The following TNXB variants were observed in gnomAD, a reference collection of about 807,000 sequenced individuals.
TNXB encodes the protein tenascin-X.
A neutral mutation model predicts 340.5 loss-of-function variants in TNXB; 183 were observed. That is an observed-to-expected ratio of 0.54 (90% confidence interval 0.48 to 0.61). The LOEUF is 0.61. TNXB is among the 20% of genes least tolerant of loss of function. The pLI is 0.00. For missense variants in TNXB, 4,613 were observed against 5,446.4 expected, an observed-to-expected ratio of 0.85 and a Z score of 4.82; for synonymous variants, 2,121 against 2,314.5, an observed-to-expected ratio of 0.92 and a Z score of 2.40.
At position 32,046,525 on chromosome 6, in the gene TNXB, G is replaced by C; in HGVS notation, c.10325-69C>G. ...TTGCCTAAGCCCTGGCAGCCTCCCGGAGGTGTGAGGTTCTGGGAAATGGTC... is the reference window on the plus strand; with the variant it reads ...TTGCCTAAGCCCTGGCAGCCTCCCGCAGGTGTGAGGTTCTGGGAAATGGTC... On this transcript the variant is annotated intron_variant, in intron 30 of 43. Coordinates refer to ENST00000644971, the MANE Select transcript of TNXB (RefSeq NM_001365276.2). The surrounding 1 kb of genome is among the most constrained non-coding windows in gnomAD (Gnocchi z 6.9). 1 of 1,391,574 alleles carries C rather than the reference G, an allele frequency of 7.2e-7. No individual in the cohort carries two copies. The highest frequency in any genetic ancestry group is 9.5e-7 in the Non-Finnish European group (1 of 1,047,350). 86.2% of individuals were successfully genotyped at this position (1,391,574 alleles called of 1,614,324 possible).
At position 32,106,134 on chromosome 6, in the gene TNXB, G is replaced by C. The variant is rs145249614; in HGVS notation, c.-9+3047C>G. On this transcript the variant is annotated intron_variant, in intron 1 of 43. Coordinates refer to ENST00000644971, the MANE Select transcript of TNXB (RefSeq NM_001365276.2). The stretch of plus-strand genomic sequence containing the variant: ...GGGGTAGTGACTAGTAGGGGCATGG[G>C]GGGGGGGGCTTCTGGGGTGCTAAAG... Among the ~76,000 whole-genome samples the C allele has an allele frequency of 8.6e-3, 1,308 of 151,298 alleles. 40 individuals carry two copies. Among genetic ancestry groups the C allele is most frequent in the South Asian group, 0.071 (333 of 4,698 alleles).
Position 32,081,760 on chromosome 6 carries a change from GGT to G in TNXB, c.3737-89_3737-88del. The G allele has an allele frequency of 1.2e-6, 1 of 835,482 alleles. No individual in the cohort carries two copies. The highest frequency in any genetic ancestry group is 2.7e-5 in the East Asian group (1 of 36,760). The allele number at this position is 835,482 out of a possible 1,614,324, so 51.8% of individuals were successfully genotyped here. ...TCGACGGGATGTCACACCTATGGGGGGTGGGGGGTCACTAGTCCATTAATTCG... is the reference window on the plus strand; with the variant it reads ...TCGACGGGATGTCACACCTATGGGGGGGGGGGTCACTAGTCCATTAATTCG... On this transcript the variant is annotated intron_variant, in intron 9 of 43. Transcript: ENST00000644971. This position sits in a 1 kb window ranked among gnomAD's most constrained non-coding sequence, Gnocchi z 5.1.
chr6:32,086,080 G>C lies in TNXB; in HGVS notation c.2818C>G (p.Pro940Ala), dbSNP rs775719377. The change falls in exon 7 of 44, where the codon CCT becomes GCT. Residue 940 changes from proline to alanine, a missense_variant. Pro to Ala is a conservative substitution (Grantham distance 27). Around this residue, in one of 7 missense-constraint regions of TNXB, gnomAD observed 4,327 missense variants for 4,859.4 expected, o/e 0.89. Transcript: ENST00000644971. ...GTCGTCGAGGGGCCTGAGGGAGGAG[G>C]CTCATCGGTAGTCCCCAAGAGGCCC... ...PLGLLGTTDE[P>A]PPSGPSTTQG... The C allele has an allele frequency of 3.8e-6, 6 of 1,571,586 alleles. No homozygotes were observed.
chr6:32,060,748 C>A (rs1165309097), intron 21 of TNXB, among the ~76,000 whole-genome samples: 1 of 151,930 alleles, frequency 6.6e-6, no homozygotes, highest in Non-Finnish European at 1.5e-5. Flanking sequence ...AAGCAATTCT[C>A]GTGCCTCCAC....
chr6:32,059,754 T>C (rs940554493), intron 21 of TNXB, among the ~76,000 whole-genome samples: 15 of 152,136 alleles, frequency 9.9e-5, no homozygotes, highest in African/African-American at 2.9e-4. Flanking sequence ...GGGATGCCGA[T>C]TGAGAGTGCT....
chr6:32,053,585 A>G lies in TNXB; in HGVS notation c.8594T>C (p.Met2865Thr), dbSNP rs373158501. Reference sequence around the variant, plus strand: ...GTGGTCAAACTGGCCCTCGGGGACCATCCAGGACAGGCTGAGGGAGTCAGG... The same window carrying G: ...GTGGTCAAACTGGCCCTCGGGGACCGTCCAGGACAGGCTGAGGGAGTCAGG... ...ATPDSLSLSW[M>T]VPEGQFDHFL... The change falls in exon 25 of 44, where the codon ATG becomes ACG. Residue 2865 changes from methionine to threonine, a missense_variant. Physicochemically the swap from Met to Thr is moderately conservative, Grantham distance 81. This residue lies in a region of TNXB where 4,327 missense variants were observed against 4,859.4 expected (regional missense o/e 0.89). Transcript: ENST00000644971. 4,636 of 1,613,606 alleles carry G rather than the reference A, an allele frequency of 2.9e-3. 149 individuals are homozygous for G. The East Asian group carries it at 0.073, about 25-fold the overall frequency.
At chr6:32,065,162 G>C in intron 18 of TNXB, 45 bp from the exon 19 acceptor site, 1 of 1,482,184 alleles carries the variant, frequency 6.7e-7, no homozygotes, top group Non-Finnish European at 9.0e-7. Context: ...CTGCAAGGAG[G>C]TGTTGAGGCC....
In TNXB at chr6:32,090,497, G is replaced by T. The variant is rs1360762210; in HGVS notation, c.2359-1118C>A. Among the ~76,000 whole-genome samples, 1 of 152,194 alleles carries T rather than the reference G, an allele frequency of 6.6e-6. No individual in the cohort carries two copies. Among genetic ancestry groups the T allele is most frequent in the Non-Finnish European group, 1.5e-5 (1 of 68,044 alleles). ...AGCTAGGACAGCCGCTAAGGATGCT[G>T]TGTTCTGCCTAGCTATGTTGGCTGT... is the stretch of plus-strand genomic sequence containing the variant. On this transcript the variant is annotated intron_variant, in intron 4 of 43. Coordinates refer to ENST00000644971, the MANE Select transcript of TNXB (RefSeq NM_001365276.2). This position sits in a 1 kb window ranked among gnomAD's most constrained non-coding sequence, Gnocchi z 4.3.
rs371203468 is a variant in TNXB at position 32,098,108 on chromosome 6, T to C, written c.91A>G (p.Asn31Asp). ...GGCCGGGGGGCTGGCAGTGTCACAT[T>C]GGACCGTGAAGAGAAGGGGCCTGCT... ...ARAGPFSSRS[N>D]VTLPAPRPPP... The change falls in exon 2 of 44, where the codon AAT becomes GAT. Residue 31 changes from asparagine (N) to aspartate (D), a missense_variant. By Grantham distance (23) the Asn-to-Asp change is conservative (BLOSUM62 1). Coordinates refer to ENST00000644971, the MANE Select transcript of TNXB (RefSeq NM_001365276.2). The C allele has an allele frequency of 8.1e-6, 13 of 1,602,030 alleles. No homozygotes were observed. The African/African-American group carries it at 1.3e-4, about 16-fold the overall frequency.
rs1778515976 is a variant in TNXB at position 32,068,261 on chromosome 6, C to T, written c.6220+129G>A. 6 of 1,379,196 alleles carry T rather than the reference C, an allele frequency of 4.4e-6. No individual in the cohort carries two copies. The highest frequency in any genetic ancestry group is 5.9e-6 in the Non-Finnish European group (6 of 1,019,958). 85.4% of individuals were successfully genotyped at this position (1,379,196 alleles called of 1,614,324 possible). A position where few individuals can be genotyped will look rare whatever the true frequency, so the allele number is the denominator to read the frequency against. On this transcript the variant is annotated intron_variant, in intron 17 of 43. Coordinates refer to ENST00000644971, the MANE Select transcript of TNXB (RefSeq NM_001365276.2). This position sits in a 1 kb window ranked among gnomAD's most constrained non-coding sequence, Gnocchi z 5.3. ...CTCACAGGAAGGCCCAAGGGGAGCC[C>T]CAGCCCCAGCCACAAGCAGGTCTGT...
In TNXB at chr6:32,085,351, C is replaced by T. The variant is rs1459321797; in HGVS notation, c.3148+399G>A. Among the ~76,000 whole-genome samples, 1 of 152,092 alleles carries T rather than the reference C, an allele frequency of 6.6e-6. No individual in the cohort carries two copies. The highest frequency in any genetic ancestry group is 1.5e-5 in the Non-Finnish European group (1 of 68,020). On this transcript the variant is annotated intron_variant, in intron 7 of 43. Coordinates refer to ENST00000644971, the MANE Select transcript of TNXB (RefSeq NM_001365276.2). The surrounding 1 kb of genome is among the most constrained non-coding windows in gnomAD (Gnocchi z 6.4). ...GGTATTGGGGGCTGAGGGTCAGTGTCCAGAGGCCTTCCCATGCCCACCCTG... is the reference window on the plus strand; with the variant it reads ...GGTATTGGGGGCTGAGGGTCAGTGTTCAGAGGCCTTCCCATGCCCACCCTG...
At position 32,042,464 on chromosome 6, in the gene TNXB, G is replaced by A. The variant is rs374704250; in HGVS notation, c.12201C>T (p.Gly4067=). The A allele has an allele frequency of 1.2e-5, 19 of 1,612,094 alleles. No homozygotes were observed. The highest frequency in any genetic ancestry group is 1.1e-4 in the African/African-American group (8 of 74,356). ...TCCCAATGCCACCCACCAGCCAGCCGCCCCCATCAGTCTCCATGTCGCAAA... is the reference window on the plus strand; with the variant it reads ...TCCCAATGCCACCCACCAGCCAGCCACCCCCATCAGTCTCCATGTCGCAAA... ...NVFCDMETDG[G]GWLVFQRRMD... The change falls in exon 40 of 44, where the codon GGC becomes GGT. Residue 4067 remains glycine, a synonymous_variant. Transcript: ENST00000644971.
intron 4 of TNXB, chr6:32,093,600 A>G (rs1780178379): frequency 4.3e-6 from 2 of 461,984 alleles, no homozygotes; most frequent in Admixed American, 7.4e-5. Context: ...GCTGATGAAG[A>G]TGAGGATGAC....
In TNXB at chr6:32,047,624, G is replaced by T; in HGVS notation, c.10324+110C>A. 2 of 1,278,298 alleles carry T rather than the reference G, an allele frequency of 1.6e-6. No homozygotes were observed. The highest frequency in any genetic ancestry group is 2.1e-6 in the Non-Finnish European group (2 of 950,374). The allele number at this position is 1,278,298 out of a possible 1,614,324, so 79.2% of individuals were successfully genotyped here. A position where few individuals can be genotyped will look rare whatever the true frequency, so the allele number is the denominator to read the frequency against. On this transcript the variant is annotated intron_variant, in intron 30 of 43. Coordinates refer to ENST00000644971, the MANE Select transcript of TNXB (RefSeq NM_001365276.2). This position sits in a 1 kb window ranked among gnomAD's most constrained non-coding sequence, Gnocchi z 6.2. ...AGGGACTCACTTTCGGAGTTAAGAT[G>T]GTTGTGTCAGGGCTGATAGAGGGAA...
rs1777354901 is a variant in TNXB at position 32,052,698 on chromosome 6, C to G, written c.9087G>C (p.Val3029=). Reference sequence around the variant, plus strand: ...TCACACCCACAGCGGACACTGGGCCCACGCGCTGCCCCTCGTGGAGGCCGT... The same window carrying G: ...TCACACCCACAGCGGACACTGGGCCGACGCGCTGCCCCTCGTGGAGGCCGT... The part of the protein sequence containing the change: ...HLYGLHEGQR[V]GPVSAVGVTA... Residue 3029 remains valine, a synonymous_variant, in exon 26 of 44, where the codon GTG becomes GTC. Coordinates refer to ENST00000644971, the MANE Select transcript of TNXB (RefSeq NM_001365276.2). This position sits in a 1 kb window ranked among gnomAD's most constrained non-coding sequence, Gnocchi z 4.7. The G allele has an allele frequency of 6.2e-7, 1 of 1,613,468 alleles. No homozygotes were observed. The highest frequency in any genetic ancestry group is 1.3e-5 in the African/African-American group (1 of 74,918).
At position 32,080,362 on chromosome 6, in the gene TNXB, C is replaced by A. The variant is rs1176673821; in HGVS notation, c.4043-997G>T. On this transcript the variant is annotated intron_variant, in intron 10 of 43. Transcript: ENST00000644971. This position sits in a 1 kb window ranked among gnomAD's most constrained non-coding sequence, Gnocchi z 4.3. ...AGTAGCTGGGACTACAGGCACCTGC[C>A]ACCATGCCTGGCTAATTTTTTGTAT... 6.6e-6 allele frequency among the ~76,000 whole-genome samples: 1 copy of A among 152,166 alleles called. No individual in the cohort carries two copies. Among genetic ancestry groups the A allele is most frequent in the Non-Finnish European group, 1.5e-5 (1 of 68,034 alleles).
Position 32,061,715 on chromosome 6 carries a change from C to T in TNXB, c.7174G>A (p.Glu2392Lys), listed in dbSNP as rs56144119. 1 of 1,610,228 alleles carries T rather than the reference C, an allele frequency of 6.2e-7. No individual in the cohort carries two copies. ...TCTGTGGGGCTGGGGGTCTCTTCCT[C>T]TGCAGCTGAGAAAAAGGGACACAGA... is the stretch of plus-strand genomic sequence containing the variant. ...PVSAIGVTAAEEETPSPTEPS... is the reference protein window; with the variant it reads ...PVSAIGVTAAKEETPSPTEPS... The change falls in exon 21 of 44, where the codon GAG becomes AAG. Residue 2392 changes from glutamate (E) to lysine (K), a missense_variant. This residue lies in a region of TNXB where 4,327 missense variants were observed against 4,859.4 expected (regional missense o/e 0.89). Transcript: ENST00000644971. This position sits in a 1 kb window ranked among gnomAD's most constrained non-coding sequence, Gnocchi z 4.4.
In TNXB at chr6:32,043,459, G is replaced by A. The variant is rs1049956792; in HGVS notation, c.11628C>T (p.Asp3876=). The A allele has an allele frequency of 1.5e-5, 9 of 586,402 alleles. No individual in the cohort carries two copies. The highest frequency in any genetic ancestry group is 6.3e-5 in the African/African-American group (2 of 31,556). 36.3% of individuals were successfully genotyped at this position (586,402 alleles called of 1,614,324 possible). ...KPPQNPVDTY[D]VQVTAPGAPP... is the part of the protein sequence containing the mutation. Reference sequence around the variant, plus strand: ...CACCCCCAGGGGCTGTGACCTGGACGTCATAGGTGTCCACAGGATTCTGGG... The same window carrying A: ...CACCCCCAGGGGCTGTGACCTGGACATCATAGGTGTCCACAGGATTCTGGG... The change falls in exon 36 of 44, where the codon GAC becomes GAT. Residue 3876 remains aspartate (D), a synonymous_variant. Transcript: ENST00000644971.
chr6:32,085,874 C>T lies in TNXB; in HGVS notation c.3024G>A (p.Leu1008=), dbSNP rs745523260. 10 of 1,608,692 alleles carry T rather than the reference C, an allele frequency of 6.2e-6. No individual in the cohort carries two copies. The East Asian group carries it at 2.0e-4, about 32-fold the overall frequency. ...CCAGAGCCTGGCGGACGTCCCCTGG[C>T]AGCACTTCCTCATGTGCCCCCGGCC... is the stretch of plus-strand genomic sequence containing the variant. ...PEGPGAHEEV[L]PGDVRQALVP... Residue 1008 remains leucine, a synonymous_variant, in exon 7 of 44, where the codon CTG becomes CTA. Coordinates refer to ENST00000644971, the MANE Select transcript of TNXB (RefSeq NM_001365276.2). The surrounding 1 kb of genome is among the most constrained non-coding windows in gnomAD (Gnocchi z 6.4).
Sources: allele counts gnomAD v4.1 joint callset (sites outside exome capture counted in the v4.1 genomes callset), GRCh38; gene constraint gnomAD v4.1.1; regional missense constraint gnomAD v4.1.1; non-coding constraint Gnocchi (gnomAD v3.1); transcripts MANE v1.5; gene names NCBI Gene and HGNC (gene_info 2026-07-23, HGNC 2026-07-21).